DLGAP1: variants seen among roughly 807,000 people sequenced by gnomAD.
The protein encoded by DLGAP1 is DLG associated protein 1.
In DLGAP1, 11 loss-of-function variants were observed where a neutral mutation model predicts 90.8. The ratio of observed to expected loss-of-function variants is 0.12; its 90% confidence interval spans 0.08 to 0.20. DLGAP1 has a LOEUF of 0.20. Ranked by LOEUF, DLGAP1 falls within the 10% of genes least tolerant of loss-of-function variation. The pLI is 1.00. For missense variants in DLGAP1, 1,050 were observed against 1,333.8 expected, an observed-to-expected ratio of 0.79 and a Z score of 3.31; for synonymous variants, 558 against 540.7, an observed-to-expected ratio of 1.03 and a Z score of -0.44.
chr18:4,130,912 G>A (rs922264379), intron 2 of DLGAP1, among the ~76,000 whole-genome samples: 3 of 152,074 alleles, frequency 2.0e-5, no homozygotes, highest in Admixed American at 6.5e-5. Flanking sequence ...TCTGATTGGC[G>A]AGGATGTGGC....
chr18:4,386,084 G>A (rs2082224536), intron 1 of DLGAP1, among the ~76,000 whole-genome samples: 1 of 152,136 alleles, frequency 6.6e-6, no homozygotes, highest in Admixed American at 6.6e-5. Flanking sequence ...ACAAACATTT[G>A]AATGTGTTTG....
intron 7 of DLGAP1, among the ~76,000 whole-genome samples, chr18:3,667,446 T>C (rs1329792530): frequency 2.6e-5 from 4 of 152,138 alleles, no homozygotes; most frequent in African/African-American, 9.7e-5. Flanking sequence ...AATAGTAGCA[T>C]ATACCATCTA....
chr18:3,665,782 G>T (rs200491547), intron 7 of DLGAP1, among the ~76,000 whole-genome samples: 10 of 152,172 alleles, frequency 6.6e-5, no homozygotes, highest in African/African-American at 2.4e-4. Context: ...TATCATTTAT[G>T]TAAGTTAACA....
intron 5 of DLGAP1, among the ~76,000 whole-genome samples, chr18:3,795,249 CT>C (rs1202893574): frequency 6.6e-6 from 1 of 152,190 alleles, no homozygotes; most frequent in East Asian, 1.9e-4. Flanking sequence ...CAGAGATTTT[CT>C]TATTGGAAAC....
At chr18:3,736,129 G>A (rs1038641781) in intron 6 of DLGAP1, among the ~76,000 whole-genome samples, 3 of 152,074 alleles carry the variant, frequency 2.0e-5, no homozygotes, top group East Asian at 1.9e-4. Context: ...ATATGTCTGC[G>A]GGCTTCTAGT....
At position 3,517,309 on chromosome 18, in the gene DLGAP1, T is replaced by A. The variant is rs1319523668; in HGVS notation, c.2480-8648A>T. Reference sequence around the variant, plus strand: ...CTCCTGCCAATAGAAGGCTGTTTTGTCTACATTGAAAATCTGTTGTTTAGT... The same window carrying A: ...CTCCTGCCAATAGAAGGCTGTTTTGACTACATTGAAAATCTGTTGTTTAGT... On this transcript the variant is annotated intron_variant, in intron 10 of 12. Transcript: ENST00000315677. This position sits in a 1 kb window ranked among gnomAD's most constrained non-coding sequence, Gnocchi z 4.1. Among the ~76,000 whole-genome samples the A allele has an allele frequency of 2.0e-5, 3 of 152,204 alleles. No homozygotes were observed. Among genetic ancestry groups the A allele is most frequent in the Admixed American group, 2.0e-4 (3 of 15,278 alleles).
intron 5 of DLGAP1, among the ~76,000 whole-genome samples, chr18:3,767,705 T>C (rs1365125858): frequency 6.6e-6 from 1 of 152,034 alleles, no homozygotes; most frequent in Non-Finnish European, 1.5e-5. Flanking sequence ...AGAAAATGCA[T>C]GTAACAAAAT....
chr18:4,056,914 C>T (rs189583817), intron 2 of DLGAP1, among the ~76,000 whole-genome samples: 11 of 152,134 alleles, frequency 7.2e-5, no homozygotes, highest in African/African-American at 1.7e-4. Flanking sequence ...TAACTAGACT[C>T]ATTGTGGGAT....
At chr18:4,183,866 G>A (rs762746400) in intron 1 of DLGAP1, among the ~76,000 whole-genome samples, 5 of 152,076 alleles carry the variant, frequency 3.3e-5, no homozygotes, top group African/African-American at 7.2e-5. Flanking sequence ...TATGGCCTAA[G>A]TAGCCTTTTC....
At chr18:4,107,671 A>C (rs541225451) in intron 2 of DLGAP1, among the ~76,000 whole-genome samples, 1 of 152,032 alleles carries the variant, frequency 6.6e-6, no homozygotes, top group South Asian at 2.1e-4. Flanking sequence ...ATTTCTTAAC[A>C]AAGCTGTTAA....
intron 1 of DLGAP1, among the ~76,000 whole-genome samples, chr18:4,209,550 A>G (rs141483450): frequency 4.6e-5 from 7 of 152,306 alleles, no homozygotes; most frequent in African/African-American, 1.7e-4. Context: ...TCCTGTTTTA[A>G]TTTAGTAAAA....
chr18:3,525,879 T>A (rs2051583908), intron 10 of DLGAP1, among the ~76,000 whole-genome samples: 1 of 152,202 alleles, frequency 6.6e-6, no homozygotes, highest in Admixed American at 6.6e-5. Flanking sequence ...CACCTCTTCA[T>A]GCTTTCGTGC....
rs560289349 is a variant in DLGAP1, at chr18:3,818,702, A to T, written c.958-4429T>A. Among the ~76,000 whole-genome samples, 19 of 151,422 alleles carry T rather than the reference A, an allele frequency of 1.3e-4. No individual in the cohort carries two copies. The East Asian group carries it at 2.6e-3, about 20-fold the overall frequency. On this transcript the variant is annotated intron_variant, in intron 4 of 12. Coordinates refer to ENST00000315677, the MANE Select transcript of DLGAP1 (RefSeq NM_004746.4). ...CTGCAACCCCTGCCTCCTGGGTTCA[A>T]GAGATTCTCCTGCCTCCCTAGTAGA... is the stretch of plus-strand genomic sequence containing the variant.
chr18:4,136,569 A>G (rs189278190), intron 2 of DLGAP1, among the ~76,000 whole-genome samples: 1 of 152,198 alleles, frequency 6.6e-6, no homozygotes, highest in East Asian at 1.9e-4. Flanking sequence ...GATATTTTGC[A>G]TATTTTTAAA....
Position 3,660,557 on chromosome 18 carries a change from A to G in DLGAP1, c.1591+68578T>C, listed in dbSNP as rs940322679. ...AGTATCCTCAAGGAGGATCTTATCA[A>G]TCCCAGCAAATGTACTTCAAATACG... On this transcript the variant is annotated intron_variant, in intron 7 of 12. Transcript: ENST00000315677. This position sits in a 1 kb window ranked among gnomAD's most constrained non-coding sequence, Gnocchi z 4.2. Among the ~76,000 whole-genome samples the G allele has an allele frequency of 1.3e-5, 2 of 152,240 alleles. No homozygotes were observed. Among genetic ancestry groups the G allele is most frequent in the African/African-American group, 4.8e-5 (2 of 41,458 alleles).
chr18:3,911,068 C>CAA (rs1287263399), intron 3 of DLGAP1, among the ~76,000 whole-genome samples: 2 of 152,146 alleles, frequency 1.3e-5, no homozygotes, highest in African/African-American at 4.8e-5. Flanking sequence ...TAGATGAGTA[C>CAA]AAACAGAGCA....
intron 9 of DLGAP1, among the ~76,000 whole-genome samples, chr18:3,560,499 A>C (rs2054022826): frequency 6.8e-6 from 1 of 147,980 alleles, no homozygotes; most frequent in Admixed American, 6.7e-5. Flanking sequence ...CTGATGCAGG[A>C]GAATTTCTTG....
chr18:3,742,621 G>A (rs2063103205), intron 5 of DLGAP1, 109 bp from the exon 6 acceptor site: 2 of 1,270,330 alleles, frequency 1.6e-6, no homozygotes, highest in East Asian at 2.5e-5. Context: ...TGGGACAAAT[G>A]ACATAGATGC....
At chr18:3,758,713 G>A (rs1031603295) in intron 5 of DLGAP1, among the ~76,000 whole-genome samples, 13 of 152,182 alleles carry the variant, frequency 8.5e-5, no homozygotes, top group African/African-American at 2.7e-4. Context: ...CAGCATAAGC[G>A]TCATGCATAG....
Sources: gnomAD v4.1 joint callset for allele counts (sites outside exome capture counted in the v4.1 genomes callset) on GRCh38, gnomAD v4.1.1 for gene constraint, Gnocchi (gnomAD v3.1) non-coding constraint, MANE v1.5 for transcripts, NCBI Gene and HGNC (gene_info 2026-07-23, HGNC 2026-07-21) for gene names.